Variants in SHANK1 observed in about 807,000 individuals in gnomAD.
The protein encoded by SHANK1 is SH3 and multiple ankyrin repeat domains 1, also known as SH3 and multiple ankyrin repeat domains protein 1.
In SHANK1, 35 loss-of-function variants were observed where a neutral mutation model predicts 165.6. The observed-to-expected ratio is 0.21, with a 90% confidence interval of 0.16 to 0.28. The LOEUF is 0.28. Among genes scored for constraint, SHANK1 ranks in the 10% least tolerant of loss-of-function variants. The probability of loss-of-function intolerance (pLI) is 1.00; values close to 1 mark genes in which losing one functional copy is unlikely to be tolerated. For synonymous variants in SHANK1, 1,428 were observed against 1,384.8 expected (o/e 1.03, Z -0.69); for missense variants, 2,681 against 3,036.4 (o/e 0.88, Z 2.75).
chr19:50,715,468 T>A (rs1371301396), intron 4 of SHANK1, among the ~76,000 whole-genome samples, 191 bp downstream of exon 4: 1 of 150,732 alleles, frequency 6.6e-6, no homozygotes, highest in Non-Finnish European at 1.5e-5. Context: ...GTGATGGGGA[T>A]AATGGGGGGT....
chr19:50,693,979 C>T (rs973500415), intron 15 of SHANK1, among the ~76,000 whole-genome samples: 2 of 151,674 alleles, frequency 1.3e-5, no homozygotes, highest in Admixed American at 1.3e-4. Flanking sequence ...TGTTGGGAAG[C>T]ACAGCCGCAG....
At chr19:50,665,036 C>T (rs545963953) in intron 23 of SHANK1, among the ~76,000 whole-genome samples, 4 of 152,326 alleles carry the variant, frequency 2.6e-5, no homozygotes, top group East Asian at 1.9e-4. Context: ...GGATTACAGG[C>T]GTGAACCACC....
intron 12 of SHANK1, among the ~76,000 whole-genome samples, chr19:50,700,850 G>T (rs926873848): frequency 3.3e-5 from 5 of 152,008 alleles, no homozygotes; most frequent in Non-Finnish European, 5.9e-5. Flanking sequence ...CAGGCAGCTG[G>T]CCCTGAAGGA....
rs544037635 is a variant in SHANK1 at position 50,703,108 on chromosome 19, G to A, written c.1553+392C>T. Reference sequence around the variant, plus strand: ...CTAGCCAGGTGGGCTTCCTGACCCCGGAATGTCCCCCGCCCCTTCCTCATC... The same window carrying A: ...CTAGCCAGGTGGGCTTCCTGACCCCAGAATGTCCCCCGCCCCTTCCTCATC... On this transcript the variant is annotated intron_variant, in intron 11 of 23. Transcript: ENST00000293441. Among the ~76,000 whole-genome samples, 4 of 151,638 alleles carry A rather than the reference G, an allele frequency of 2.6e-5. No homozygotes were observed. In the South Asian group the frequency reaches 6.3e-4, roughly 24 times the overall value.
intron 21 of SHANK1, among the ~76,000 whole-genome samples, chr19:50,685,000 A>G (rs1329957806): frequency 6.6e-6 from 1 of 152,248 alleles, no homozygotes; most frequent in Non-Finnish European, 1.5e-5. Flanking sequence ...GCAGCCTGCC[A>G]AAGAGATCCA....
At chr19:50,698,571 T>TAA (rs1163617857) in intron 12 of SHANK1, among the ~76,000 whole-genome samples, 1 of 151,808 alleles carries the variant, frequency 6.6e-6, no homozygotes, top group African/African-American at 2.4e-5. Context: ...GACTGCCTGT[T>TAA]ACATGCCTGC....
At chr19:50,700,432 G>A (rs1393899581) in intron 12 of SHANK1, among the ~76,000 whole-genome samples, 1 of 151,968 alleles carries the variant, frequency 6.6e-6, no homozygotes, top group Non-Finnish European at 1.5e-5. Flanking sequence ...GGAGGGCTTG[G>A]GGCATTGGAG....
Position 50,716,210 on chromosome 19 carries a change from G to A in SHANK1, c.459+65C>T, listed in dbSNP as rs868049414. 6.8e-7 allele frequency: 1 copy of A among 1,478,402 alleles called. No homozygotes were observed. The highest frequency in any genetic ancestry group is 9.4e-7 in the Non-Finnish European group (1 of 1,061,300). 91.6% of individuals were successfully genotyped at this position (1,478,402 alleles called of 1,614,324 possible). On this transcript the variant is annotated intron_variant, in intron 3 of 23. Transcript: ENST00000293441. This position sits in a 1 kb window ranked among gnomAD's most constrained non-coding sequence, Gnocchi z 8.4. ...AGGTTTCGAGTGTGTTAAAAAGTGGGTGGGGGGCAGATGTGTTTTAGGGCA... is the reference window on the plus strand; with the variant it reads ...AGGTTTCGAGTGTGTTAAAAAGTGGATGGGGGGCAGATGTGTTTTAGGGCA...
chr19:50,668,366 G>A lies in SHANK1; in HGVS notation c.3594C>T (p.Pro1198=), dbSNP rs1985645821. The change falls in exon 23 of 24, where the codon CCC becomes CCT. Residue 1198 remains proline, a synonymous_variant. Coordinates refer to ENST00000293441, the MANE Select transcript of SHANK1 (RefSeq NM_016148.5). ...CGGGTGACATGGCCGGGGCGGGGCTGGGCGAGGAGCCGCCGCCGCCGCCGC... is the reference window on the plus strand; with the variant it reads ...CGGGTGACATGGCCGGGGCGGGGCTAGGCGAGGAGCCGCCGCCGCCGCCGC... ...TGGGGGGGSS[P]SPAPAMSPVP... The A allele has an allele frequency of 7.9e-7, 1 of 1,266,666 alleles. No individual in the cohort carries two copies. The highest frequency in any genetic ancestry group is 3.3e-5 in the South Asian group (1 of 30,418). 78.5% of individuals were successfully genotyped at this position (1,266,666 alleles called of 1,614,324 possible).
At position 50,705,674 on chromosome 19, in the gene SHANK1, T is replaced by C. The variant is rs1233636718; in HGVS notation, c.1078-1160A>G. Among the ~76,000 whole-genome samples the C allele has an allele frequency of 2.6e-5, 4 of 152,144 alleles. No individual in the cohort carries two copies. The East Asian group carries it at 7.7e-4, about 29-fold the overall frequency. The stretch of plus-strand genomic sequence containing the variant: ...TGACAACCAAAAATGTCTCTAGACA[T>C]TGCCAAGTGTCCCCTGGGAGACAGA... On this transcript the variant is annotated intron_variant, in intron 8 of 23. Coordinates refer to ENST00000293441, the MANE Select transcript of SHANK1 (RefSeq NM_016148.5).
Position 50,662,741 on chromosome 19 carries a change from G to A in SHANK1, c.5769-59C>T. 6.5e-7 allele frequency: 1 copy of A among 1,537,290 alleles called. No individual in the cohort carries two copies. Among genetic ancestry groups the A allele is most frequent in the Non-Finnish European group, 8.8e-7 (1 of 1,136,130 alleles). ...AGGGATTTAGGGGGCAAGGGCAGGGGTGAGAAAGAGGCAGAGGTCAAGATA... is the reference window on the plus strand; with the variant it reads ...AGGGATTTAGGGGGCAAGGGCAGGGATGAGAAAGAGGCAGAGGTCAAGATA... On this transcript the variant is annotated intron_variant, in intron 23 of 23. Coordinates refer to ENST00000293441, the MANE Select transcript of SHANK1 (RefSeq NM_016148.5). This position sits in a 1 kb window ranked among gnomAD's most constrained non-coding sequence, Gnocchi z 7.7.
rs12461427 is a variant in SHANK1 at position 50,702,059 on chromosome 19, A to G, written c.1747+408T>C. Among the ~76,000 whole-genome samples, 14,122 of 152,262 alleles carry G rather than the reference A, an allele frequency of 0.093. 1,106 individuals are homozygous for G. Among genetic ancestry groups the G allele is most frequent in the Admixed American group, 0.25 (3,824 of 15,298 alleles). On this transcript the variant is annotated intron_variant, in intron 12 of 23. Coordinates refer to ENST00000293441, the MANE Select transcript of SHANK1 (RefSeq NM_016148.5). This position sits in a 1 kb window ranked among gnomAD's most constrained non-coding sequence, Gnocchi z 5.3. ...AAGGCTGCTCGGCCTCACGCTCTGC[A>G]CCAGGTGGCAGGAAGGACTGTGGGC...
At position 50,704,446 on chromosome 19, in the gene SHANK1, G is replaced by T. The variant is rs1287753033; in HGVS notation, c.1146C>A (p.Thr382=). 2 of 1,614,070 alleles carry T rather than the reference G, an allele frequency of 1.2e-6. No individual in the cohort carries two copies. The highest frequency in any genetic ancestry group is 4.5e-5 in the East Asian group (2 of 44,878). Residue 382 remains threonine, a synonymous_variant, in exon 9 of 24, where the codon ACC becomes ACA. Transcript: ENST00000293441. ...CCCTGCAGCCCCAGACCTGGAAGGG[G>T]GTCTGTCCGTTGTTGTTCTTCACAT... is the stretch of plus-strand genomic sequence containing the variant. The part of the protein sequence containing the change: ...DKDVKNNNGQ[T]PFQVAVIAGN...
chr19:50,687,868 C>G (rs1051398078), intron 18 of SHANK1, 55 bp downstream of exon 18: 31 of 1,608,384 alleles, frequency 1.9e-5, no homozygotes, highest in Non-Finnish European at 2.5e-5. Flanking sequence ...CTGGGGCTCC[C>G]GCAGGGCTGA....
At chr19:50,706,022 G>A (rs1241937860) in intron 8 of SHANK1, among the ~76,000 whole-genome samples, 1 of 152,074 alleles carries the variant, frequency 6.6e-6, no homozygotes, top group Non-Finnish European at 1.5e-5. Flanking sequence ...AGCCTGGCTT[G>A]GTGGCACACG....
Position 50,667,955 on chromosome 19 carries a change from C to CG in SHANK1, c.4004dup (p.Arg1336AlafsTer161). The stretch of plus-strand genomic sequence containing the variant: ...CGGTCAGCGGGTGCACCAGGGGTCG[C>CG]GGGGGCAGGAAGCTGGTGAAGGCGC... On this transcript the variant is annotated frameshift_variant, in exon 23 of 24. Coordinates refer to ENST00000293441, the MANE Select transcript of SHANK1 (RefSeq NM_016148.5). LOFTEE classifies it high-confidence loss of function. The surrounding 1 kb of genome is among the most constrained non-coding windows in gnomAD (Gnocchi z 5.7). 1.4e-6 allele frequency: 2 copies of CG among 1,398,814 alleles called. No homozygotes were observed. Among genetic ancestry groups the CG allele is most frequent in the South Asian group, 3.1e-5 (2 of 64,916 alleles). The allele number at this position is 1,398,814 out of a possible 1,614,324, so 86.7% of individuals were successfully genotyped here. A position where few individuals can be genotyped will look rare whatever the true frequency, so the allele number is the denominator to read the frequency against.
In SHANK1 at chr19:50,688,831, G is replaced by T; in HGVS notation, c.2172+13C>A. 2 of 1,607,494 alleles carry T rather than the reference G, an allele frequency of 1.2e-6. No individual in the cohort carries two copies. The highest frequency in any genetic ancestry group is 1.7e-6 in the Non-Finnish European group (2 of 1,176,932). ...TCACAGGGTCCCAGGGAAGAGAGGG[G>T]GCCTGGACTGACCTCGATGAGGAAG... On this transcript the variant is annotated intron_variant, in intron 17 of 23. Transcript: ENST00000293441. This position sits in a 1 kb window ranked among gnomAD's most constrained non-coding sequence, Gnocchi z 6.7.
At chr19:50,692,367 T>C (rs1321204096) in intron 15 of SHANK1, among the ~76,000 whole-genome samples, 2 of 151,608 alleles carry the variant, frequency 1.3e-5, no homozygotes, top group African/African-American at 4.9e-5. Context: ...CTTCCCATTT[T>C]ATAAATGGGG....
At chr19:50,707,879 T>C (rs537823255) in intron 8 of SHANK1, among the ~76,000 whole-genome samples, 2 of 2,406 alleles carry the variant, frequency 8.3e-4, no homozygotes, top group African/African-American at 6.8e-3. Flanking sequence ...TTGCGTGTTT[T>C]TCTTTTCTTT....
Sources: allele counts gnomAD v4.1 joint callset (sites outside exome capture counted in the v4.1 genomes callset), GRCh38; gene constraint gnomAD v4.1.1; non-coding constraint Gnocchi (gnomAD v3.1); transcripts MANE v1.5; gene names NCBI Gene and HGNC (gene_info 2026-07-23, HGNC 2026-07-21).